The following GUCY1A2 variants were observed in gnomAD, a reference collection of about 807,000 sequenced individuals.
GUCY1A2 encodes the protein guanylate cyclase soluble subunit alpha-2.
A neutral mutation model predicts 63.5 loss-of-function variants in GUCY1A2; 27 were observed. That is an observed-to-expected ratio of 0.43 (90% confidence interval 0.31 to 0.59). GUCY1A2 has a LOEUF of 0.59. Among genes scored for constraint, GUCY1A2 ranks in the 20% least tolerant of loss-of-function variants. GUCY1A2 has a pLI of 0.11. For synonymous variants in GUCY1A2, 364 were observed against 343.5 expected (o/e 1.06, Z -0.66); for missense variants, 768 against 913.3 (o/e 0.84, Z 2.05).
Position 106,812,687 on chromosome 11 carries a change from T to G in GUCY1A2, c.1207-2209A>C, listed in dbSNP as rs75659388. ...AATATTAATTTATAAAAAGTCTAAA[T>G]TGAATAGTTCACATTCCTGTCTCAA... On this transcript the variant is annotated intron_variant, in intron 4 of 7. Coordinates refer to ENST00000526355, the MANE Select transcript of GUCY1A2 (RefSeq NM_000855.3). 7.9e-3 allele frequency among the ~76,000 whole-genome samples: 1,198 copies of G among 152,098 alleles called. 81 individuals carry two copies. The East Asian group carries it at 0.15, about 19-fold the overall frequency.
intron 6 of GUCY1A2, among the ~76,000 whole-genome samples, chr11:106,718,127 CA>C (rs1158892032): frequency 6.6e-6 from 1 of 152,068 alleles, no homozygotes; most frequent in Non-Finnish European, 1.5e-5. Context: ...GCACTTTGGG[CA>C]AAATATCTTA....
intron 3 of GUCY1A2, among the ~76,000 whole-genome samples, chr11:106,957,889 T>TC (rs1364009569): frequency 6.0e-5 from 6 of 99,784 alleles, no homozygotes; most frequent in Non-Finnish European, 1.1e-4. Context: ...TTTTTTTTTT[T>TC]CAGAAAAAAA....
At chr11:106,969,865 C>T (rs1481494503) in intron 3 of GUCY1A2, among the ~76,000 whole-genome samples, 1 of 152,190 alleles carries the variant, frequency 6.6e-6, no homozygotes, top group Non-Finnish European at 1.5e-5. Context: ...GGTGTGACCC[C>T]ATGCAAGCAG....
At chr11:106,834,613 A>C in intron 4 of GUCY1A2, among the ~76,000 whole-genome samples, 1 of 152,030 alleles carries the variant, frequency 6.6e-6, no homozygotes, top group East Asian at 1.9e-4. Context: ...TCCTCATGAA[A>C]AACAAACAAA....
intron 1 of GUCY1A2, among the ~76,000 whole-genome samples, chr11:106,997,889 G>T (rs1361441365): frequency 6.6e-6 from 1 of 152,072 alleles, no homozygotes; most frequent in Non-Finnish European, 1.5e-5. Flanking sequence ...CTAAAGAGAT[G>T]TCACTTATTG....
intron 4 of GUCY1A2, among the ~76,000 whole-genome samples, chr11:106,870,035 C>T (rs1337098993): frequency 7.2e-6 from 1 of 138,822 alleles, no homozygotes; most frequent in African/African-American, 2.7e-5. Flanking sequence ...TGTTCTCACT[C>T]ATAGGTGGGA....
In GUCY1A2 at chr11:107,014,631, A is replaced by G. The variant is rs539222373; in HGVS notation, c.303+3122T>C. ...GTGCATCTTAAAGTGACTATTAAGC[A>G]TCAAAAACCTGAGTGTGGATATCCC... On this transcript the variant is annotated intron_variant, in intron 1 of 7. Coordinates refer to ENST00000526355, the MANE Select transcript of GUCY1A2 (RefSeq NM_000855.3). 8.5e-4 allele frequency among the ~76,000 whole-genome samples: 129 copies of G among 152,342 alleles called. 1 individual carries two copies. The highest frequency in any genetic ancestry group is 1.6e-3 in the Non-Finnish European group (109 of 68,030).
At chr11:106,961,702 A>G (rs1425521569) in intron 3 of GUCY1A2, among the ~76,000 whole-genome samples, 2 of 152,220 alleles carry the variant, frequency 1.3e-5, no homozygotes, top group East Asian at 3.9e-4. Context: ...TTCTCAGCAC[A>G]TTCCTAGCCT....
intron 4 of GUCY1A2, among the ~76,000 whole-genome samples, chr11:106,914,375 C>A (rs1279847311): frequency 6.6e-6 from 1 of 152,028 alleles, no homozygotes. Flanking sequence ...AAACAAAATT[C>A]AGCTACTGAA....
chr11:106,745,892 C>G (rs560675771), intron 6 of GUCY1A2, among the ~76,000 whole-genome samples: 1 of 152,290 alleles, frequency 6.6e-6, no homozygotes, highest in Admixed American at 6.5e-5. Flanking sequence ...TCTAATGTAA[C>G]TTTTTCAGTT....
intron 4 of GUCY1A2, among the ~76,000 whole-genome samples, chr11:106,886,507 C>T (rs975185907): frequency 1.3e-5 from 2 of 152,036 alleles, no homozygotes; most frequent in African/African-American, 2.4e-5. Context: ...CTGGATACCA[C>T]ATATGTATAT....
intron 6 of GUCY1A2, among the ~76,000 whole-genome samples, chr11:106,709,181 TATATATAACTATATATA>T (rs1316896027): frequency 6.2e-5 from 8 of 128,948 alleles, no homozygotes; most frequent in Middle Eastern, 7.7e-3. Context: ...AACTATATAT[TATATATAACTATATATA>T]ATATACATGT....
chr11:106,780,433 C>G (rs1864437712), intron 5 of GUCY1A2, among the ~76,000 whole-genome samples: 2 of 152,130 alleles, frequency 1.3e-5, no homozygotes, highest in African/African-American at 4.8e-5. Flanking sequence ...CTCATTCATT[C>G]TACATATCCA....
rs964336116 is a variant in GUCY1A2 at position 106,994,667 on chromosome 11, T to C, written c.304-8536A>G. On this transcript the variant is annotated intron_variant, in intron 1 of 7. Transcript: ENST00000526355. Reference sequence around the variant, plus strand: ...GAGCATCAGAGAGGTTAAAGTGTTTTGCCTCAGCTACAGAACTGGAAAGGA... The same window carrying C: ...GAGCATCAGAGAGGTTAAAGTGTTTCGCCTCAGCTACAGAACTGGAAAGGA... 4.6e-5 allele frequency among the ~76,000 whole-genome samples: 7 copies of C among 152,348 alleles called. No individual in the cohort carries two copies. The South Asian group carries it at 1.4e-3, about 32-fold the overall frequency.
chr11:107,013,012 G>T (rs556698625), intron 1 of GUCY1A2, among the ~76,000 whole-genome samples: 56 of 151,120 alleles, frequency 3.7e-4, no homozygotes, highest in Non-Finnish European at 6.6e-4. Context: ...AGTATTTTAT[G>T]CCTTTTCATT....
chr11:106,733,214 T>C (rs1166481752), intron 6 of GUCY1A2, among the ~76,000 whole-genome samples: 1 of 150,336 alleles, frequency 6.7e-6, no homozygotes, highest in African/African-American at 2.4e-5. Flanking sequence ...TTTATTTTTT[T>C]AAATGAATCT....
At chr11:106,875,364 G>A (rs1001874094) in intron 4 of GUCY1A2, among the ~76,000 whole-genome samples, 6 of 152,140 alleles carry the variant, frequency 3.9e-5, no homozygotes, top group Non-Finnish European at 8.8e-5. Context: ...CAAGAGTGGA[G>A]TCTTGACAGA....
In GUCY1A2 at chr11:106,953,039, T is replaced by A. The variant is rs1483302226; in HGVS notation, c.488-12861A>T. Among the ~76,000 whole-genome samples the A allele has an allele frequency of 2.6e-5, 4 of 152,196 alleles. No individual in the cohort carries two copies. The East Asian group carries it at 7.7e-4, about 29-fold the overall frequency. The stretch of plus-strand genomic sequence containing the variant: ...CCTTTATTTCTTTCTCTTGCCTGAT[T>A]GCCCTGGCCAGAACTTCTAATACTA... On this transcript the variant is annotated intron_variant, in intron 3 of 7. Coordinates refer to ENST00000526355, the MANE Select transcript of GUCY1A2 (RefSeq NM_000855.3).
In GUCY1A2 at chr11:106,679,414, G is replaced by A. The variant is rs1387926396; in HGVS notation, c.*8135C>T. 1 of 195,474 alleles carries A rather than the reference G, an allele frequency of 5.1e-6. No homozygotes were observed. Among genetic ancestry groups the A allele is most frequent in the Non-Finnish European group, 1.1e-5 (1 of 94,090 alleles). 12.1% of individuals were successfully genotyped at this position (195,474 alleles called of 1,614,324 possible). On this transcript the variant is annotated 3_prime_UTR_variant, in exon 8 of 8. Coordinates refer to ENST00000526355, the MANE Select transcript of GUCY1A2 (RefSeq NM_000855.3). The stretch of plus-strand genomic sequence containing the variant: ...AAGTTCCACACTTGTTTTGCTAGCA[G>A]CCAAACCCAATTTGAGAAGAATGTG...
Sources: gnomAD v4.1 joint callset for allele counts (sites outside exome capture counted in the v4.1 genomes callset) on GRCh38, gnomAD v4.1.1 for gene constraint, MANE v1.5 for transcripts, NCBI Gene and HGNC (gene_info 2026-07-23, HGNC 2026-07-21) for gene names.